The following AIM2 variants were observed in gnomAD, a reference collection of about 807,000 sequenced individuals.
AIM2 encodes interferon-inducible protein AIM2.
A neutral mutation model predicts 27.7 loss-of-function variants in AIM2; 30 were observed. The observed-to-expected ratio is 1.08, with a 90% confidence interval of 0.81 to 1.47. AIM2 has a LOEUF of 1.47. AIM2 is among the 40% of genes most tolerant of loss of function. AIM2 has a pLI of 0.00. For synonymous variants in AIM2, 141 were observed against 145.3 expected (o/e 0.97, Z 0.21); for missense variants, 358 against 411.3 (o/e 0.87, Z 1.12).
chr1:159,062,017 C>T (rs1655854740), downstream of AIM2, among the ~76,000 whole-genome samples: 1 of 151,950 alleles, frequency 6.6e-6, no homozygotes, highest in Admixed American at 6.6e-5. Flanking sequence ...AGGAATGGCT[C>T]AGATTCATTT....
chr1:159,121,178 A>G (rs1278137119), intron 1 of AIM2, among the ~76,000 whole-genome samples: 1 of 152,202 alleles, frequency 6.6e-6, no homozygotes, highest in Non-Finnish European at 1.5e-5. Flanking sequence ...ATTATTCAAG[A>G]CAAATGAGTT....
At chr1:159,128,639 A>AC (rs1035260671) in intron 1 of AIM2, among the ~76,000 whole-genome samples, 1 of 148,554 alleles carries the variant, frequency 6.7e-6, no homozygotes, top group African/African-American at 2.5e-5. Context: ...TCCCTCCCAC[A>AC]CCCCCTCTTT....
downstream of AIM2, among the ~76,000 whole-genome samples, chr1:159,061,443 A>G (rs937472683): frequency 3.3e-5 from 5 of 151,798 alleles, no homozygotes; most frequent in Non-Finnish European, 7.4e-5. Context: ...CCCAGGCTGG[A>G]GTGCAATGGC....
intron 2 of AIM2, among the ~76,000 whole-genome samples, chr1:159,070,486 A>G (rs1364976105): frequency 2.6e-5 from 4 of 152,210 alleles, no homozygotes; most frequent in Non-Finnish European, 4.4e-5. Flanking sequence ...GATTTTTAAA[A>G]AGACCATGTA....
chr1:159,102,978 T>C (rs891077725), intron 1 of AIM2, among the ~76,000 whole-genome samples: 4 of 152,022 alleles, frequency 2.6e-5, no homozygotes, highest in Non-Finnish European at 5.9e-5. Context: ...GGACATGAGA[T>C]TTGGGAGGGG....
At chr1:159,145,995 A>G (rs1648194657) in intron 1 of AIM2, among the ~76,000 whole-genome samples, 1 of 151,960 alleles carries the variant, frequency 6.6e-6, no homozygotes, top group African/African-American at 2.4e-5. Context: ...AGTCCCAGCT[A>G]CTCGGGAGGC....
chr1:159,115,743 A>T (rs4528115), intron 1 of AIM2, among the ~76,000 whole-genome samples: 1 of 151,982 alleles, frequency 6.6e-6, no homozygotes, highest in Non-Finnish European at 1.5e-5. Flanking sequence ...AAGAAAACCT[A>T]GGCAATACCA....
At chr1:159,071,748 G>A (rs1216166338) in intron 2 of AIM2, among the ~76,000 whole-genome samples, 1 of 152,214 alleles carries the variant, frequency 6.6e-6, no homozygotes, top group Non-Finnish European at 1.5e-5. Flanking sequence ...GAACTCAAGT[G>A]ATCCACCCGC....
chr1:159,084,812 CACATACAG>C (rs1300177964), intron 1 of AIM2, among the ~76,000 whole-genome samples: 1,781 of 143,578 alleles, frequency 0.012, 51 homozygotes, highest in African/African-American at 0.045. Context: ...CACACACACA[CACATACAG>C]ACACACACAC....
intron 1 of AIM2, among the ~76,000 whole-genome samples, chr1:159,116,027 T>C (rs1226426838): frequency 6.6e-6 from 1 of 152,118 alleles, no homozygotes. Context: ...ACAAAGGATA[T>C]GAACAGACAC....
At chr1:159,064,290 C>T (rs1368975844) in intron 4 of AIM2, among the ~76,000 whole-genome samples, 2 of 152,196 alleles carry the variant, frequency 1.3e-5, no homozygotes, top group East Asian at 1.9e-4. Flanking sequence ...TTACTTAGAA[C>T]ATGTTGTCTC....
At chr1:159,081,122 A>G, upstream of AIM2, 1 of 231,416 alleles carries the variant, frequency 4.3e-6, no homozygotes. Context: ...ATCACAGTGA[A>G]TCATCATACT....
upstream of AIM2, among the ~76,000 whole-genome samples, chr1:159,141,772 C>CG (rs146421527): frequency 3.2e-3 from 485 of 151,858 alleles, 2 homozygotes; most frequent in Middle Eastern, 0.021. Flanking sequence ...GCTCTCTGAG[C>CG]GGTGGGGGGG....
intron 1 of AIM2, among the ~76,000 whole-genome samples, chr1:159,086,553 A>T (rs376298954): frequency 3.3e-5 from 5 of 152,032 alleles, no homozygotes; most frequent in Non-Finnish European, 7.4e-5. Flanking sequence ...GTCCTTCTTT[A>T]TATCTCACTT....
At chr1:159,113,214 G>A (rs915902798) in intron 1 of AIM2, among the ~76,000 whole-genome samples, 2 of 152,086 alleles carry the variant, frequency 1.3e-5, no homozygotes, top group Non-Finnish European at 2.9e-5. Context: ...AAAGTGCTGG[G>A]ATTACAGATG....
chr1:159,115,290 A>T (rs6427464), intron 1 of AIM2, among the ~76,000 whole-genome samples: 74,673 of 151,974 alleles, frequency 0.49, 21,746 homozygotes, highest in Admixed American at 0.65. Context: ...TGCCATCCCC[A>T]TCAAGCTATC....
chr1:159,084,036 A>G (rs934433754), intron 1 of AIM2, among the ~76,000 whole-genome samples: 5 of 152,204 alleles, frequency 3.3e-5, no homozygotes, highest in African/African-American at 1.2e-4. Flanking sequence ...AGGCTATCTC[A>G]TGTAACCCTA....
At chr1:159,141,443 A>G (rs1189260040), upstream of AIM2, among the ~76,000 whole-genome samples, 1 of 152,200 alleles carries the variant, frequency 6.6e-6, no homozygotes, top group Non-Finnish European at 1.5e-5. Flanking sequence ...TCTGTAAGAG[A>G]GGAATACAGA....
At chr1:159,138,539 T>A (rs1648053605) in intron 1 of AIM2, among the ~76,000 whole-genome samples, 1 of 152,238 alleles carries the variant, frequency 6.6e-6, no homozygotes, top group Admixed American at 6.5e-5. Context: ...CTGTCATTTG[T>A]CTTCATCATG....
Sources: allele counts gnomAD v4.1 joint callset (sites outside exome capture counted in the v4.1 genomes callset), GRCh38; gene constraint gnomAD v4.1.1; transcripts MANE v1.5; gene names NCBI Gene and HGNC (gene_info 2026-07-23, HGNC 2026-07-21).